PHF21A: variants seen among roughly 807,000 people sequenced by gnomAD.
The protein encoded by PHF21A is BHC80a.
PHF21A carries 11 observed loss-of-function variants against 82.5 expected under a neutral mutation model. The observed-to-expected ratio is 0.13, with a 90% CI of 0.08 to 0.22. The LOEUF (loss-of-function observed/expected upper bound fraction) is 0.22, where lower values mean the gene tolerates loss of function less well. PHF21A is among the 10% of genes least tolerant of loss of function. The pLI is 1.00. For missense variants in PHF21A, 579 were observed against 837.8 expected (o/e 0.69, Z 3.81); for synonymous variants, 297 against 302.8 (o/e 0.98, Z 0.20).
intron 4 of PHF21A, among the ~76,000 whole-genome samples, chr11:46,080,742 A>C (rs1327294232): frequency 6.6e-6 from 1 of 151,964 alleles, no homozygotes; most frequent in Non-Finnish European, 1.5e-5. Context: ...ATCATAGCTC[A>C]CTGCAGCCTC....
Position 46,023,302 on chromosome 11 carries a change from C to T in PHF21A, c.154-43336G>A, listed in dbSNP as rs139522384. Among the ~76,000 whole-genome samples the T allele has an allele frequency of 2.4e-3, 367 of 152,270 alleles. 2 individuals carry two copies. The highest frequency in any genetic ancestry group is 4.3e-3 in the Non-Finnish European group (290 of 68,024). On this transcript the variant is annotated intron_variant, in intron 6 of 18. Coordinates refer to ENST00000676320, the MANE Select transcript of PHF21A (RefSeq NM_001352027.3). ...GACAGCTGATGGCTAATTACTGAGG[C>T]CCCTTCTATTTTGAACATTTTGTGA...
At chr11:46,101,262 A>T (rs1212686406) in intron 1 of PHF21A, among the ~76,000 whole-genome samples, 1 of 152,234 alleles carries the variant, frequency 6.6e-6, no homozygotes, top group Non-Finnish European at 1.5e-5. Flanking sequence ...CAGTAAGTTA[A>T]AAGACAAATG....
chr11:45,945,245 G>A (rs1012603355), intron 15 of PHF21A, among the ~76,000 whole-genome samples: 1 of 152,168 alleles, frequency 6.6e-6, no homozygotes, highest in Non-Finnish European at 1.5e-5. Flanking sequence ...AGTGAATTCT[G>A]AGCTTTGTTG....
At chr11:45,950,107 T>C (rs2091903431) in intron 12 of PHF21A, 99 bp downstream of exon 12, 10 of 960,128 alleles carry the variant, frequency 1.0e-5, no homozygotes, top group South Asian at 1.6e-5. Context: ...ACTCTATTTG[T>C]GTTCCAATTT....
intron 15 of PHF21A, among the ~76,000 whole-genome samples, chr11:45,938,992 C>T (rs2089782999): frequency 6.6e-6 from 1 of 152,150 alleles, no homozygotes; most frequent in Non-Finnish European, 1.5e-5. Context: ...TGCCACCACC[C>T]CCGACTAATT....
At chr11:46,033,155 GTTCA>G (rs1344973014) in intron 6 of PHF21A, among the ~76,000 whole-genome samples, 1 of 152,088 alleles carries the variant, frequency 6.6e-6, no homozygotes, top group Non-Finnish European at 1.5e-5. Context: ...TATACCTGCA[GTTCA>G]TTCATTTTTT....
At chr11:46,015,202 T>C (rs1429714321) in intron 6 of PHF21A, among the ~76,000 whole-genome samples, 1 of 152,028 alleles carries the variant, frequency 6.6e-6, no homozygotes, top group East Asian at 1.9e-4. Context: ...ATTTATTTTG[T>C]TGTTGTTGTT....
intron 6 of PHF21A, among the ~76,000 whole-genome samples, chr11:46,015,640 C>A (rs1226462515): frequency 6.6e-6 from 1 of 151,958 alleles, no homozygotes; most frequent in Non-Finnish European, 1.5e-5. Flanking sequence ...TTTAAGTTTT[C>A]TATTTTTAAA....
intron 11 of PHF21A, among the ~76,000 whole-genome samples, chr11:45,951,559 C>T (rs145113140): frequency 2.0e-5 from 3 of 152,322 alleles, no homozygotes; most frequent in East Asian, 1.9e-4. Context: ...ATGACATACA[C>T]TTTGTGGTTG....
intron 17 of PHF21A, 96 bp downstream of exon 17, chr11:45,936,398 A>G (rs1482701562): frequency 2.6e-6 from 2 of 767,420 alleles, no homozygotes; most frequent in African/African-American, 3.6e-5. Flanking sequence ...TTCATTTTTA[A>G]ATTTAAATTC....
intron 12 of PHF21A, 60 bp downstream of exon 12, chr11:45,950,145 AT>A: frequency 7.8e-7 from 1 of 1,288,502 alleles, no homozygotes; most frequent in Non-Finnish European, 1.1e-6. Context: ...ATCAAACATC[AT>A]TTTCAGGAAC....
At chr11:45,973,468 C>T (rs1334962904) in intron 7 of PHF21A, among the ~76,000 whole-genome samples, 1 of 152,200 alleles carries the variant, frequency 6.6e-6, no homozygotes, top group Non-Finnish European at 1.5e-5. Flanking sequence ...AGATCATCAT[C>T]CAAATCTTTG....
intron 6 of PHF21A, 81 bp downstream of exon 6, chr11:46,076,673 A>G: frequency 8.4e-6 from 9 of 1,076,914 alleles, no homozygotes; most frequent in Non-Finnish European, 1.1e-5. Context: ...GAGGAAAAAT[A>G]GCAGTTCTCT....
At chr11:46,106,666 T>C (rs183198309) in intron 1 of PHF21A, among the ~76,000 whole-genome samples, 1 of 152,342 alleles carries the variant, frequency 6.6e-6, no homozygotes, top group African/African-American at 2.4e-5. Flanking sequence ...CCACTTGTAC[T>C]TAACATGCAT....
chr11:45,949,217 A>T (rs921315619), intron 13 of PHF21A, among the ~76,000 whole-genome samples, 185 bp downstream of exon 13: 1 of 152,180 alleles, frequency 6.6e-6, no homozygotes, highest in Non-Finnish European at 1.5e-5. Context: ...GAAACTTAGG[A>T]AAAAAACCTA....
At chr11:46,054,253 T>C (rs905287477) in intron 6 of PHF21A, among the ~76,000 whole-genome samples, 5 of 152,196 alleles carry the variant, frequency 3.3e-5, no homozygotes, top group African/African-American at 1.2e-4. Context: ...AGTATTAATA[T>C]GATAGTAACC....
intron 18 of PHF21A, chr11:45,934,548 T>TAAAA: frequency 4.7e-6 from 1 of 213,260 alleles, no homozygotes. Context: ...AAAGGTTGTT[T>TAAAA]AAAAAAAAAA....
chr11:46,042,800 GTCCTC>G (rs1555137788), intron 6 of PHF21A, among the ~76,000 whole-genome samples: 1 of 151,848 alleles, frequency 6.6e-6, no homozygotes, highest in Non-Finnish European at 1.5e-5. Context: ...TTCTTGCTAT[GTCCTC>G]ACAGCAAGAA....
At chr11:46,071,266 G>A (rs542224109) in intron 6 of PHF21A, among the ~76,000 whole-genome samples, 1 of 152,292 alleles carries the variant, frequency 6.6e-6, no homozygotes, top group South Asian at 2.1e-4. Context: ...TACGCCCCAG[G>A]TAGCTGCTGT....
Sources: allele counts gnomAD v4.1 joint callset (sites outside exome capture counted in the v4.1 genomes callset), GRCh38; gene constraint gnomAD v4.1.1; transcripts MANE v1.5; gene names NCBI Gene and HGNC (gene_info 2026-07-23, HGNC 2026-07-21).